Variants in PCDH9 observed in about 807,000 individuals in gnomAD.
PCDH9 encodes protocadherin-9.
PCDH9 carries 24 observed loss-of-function variants against 70.6 expected under a neutral mutation model. The observed-to-expected ratio is 0.34, with a 90% confidence interval of 0.25 to 0.48. PCDH9 has a LOEUF of 0.48. Ranked by LOEUF, PCDH9 falls within the 20% of genes least tolerant of loss-of-function variation. The pLI is 0.99. For missense variants in PCDH9, 1,281 were observed against 1,503.6 expected (o/e 0.85, Z 2.45); for synonymous variants, 562 against 558.5 (o/e 1.01, Z -0.09).
intron 4 of PCDH9, among the ~76,000 whole-genome samples, chr13:66,623,157 C>CT (rs2077451457): frequency 6.6e-6 from 1 of 152,254 alleles, no homozygotes; most frequent in East Asian, 1.9e-4. Context: ...CGGCTTCATT[C>CT]TTGAAGTCAG....
intron 3 of PCDH9, among the ~76,000 whole-genome samples, chr13:66,677,588 T>C (rs1157511208): frequency 6.6e-6 from 1 of 152,070 alleles, no homozygotes; most frequent in African/African-American, 2.4e-5. Context: ...TCTGATCATT[T>C]AAAAGTGTGT....
intron 4 of PCDH9, among the ~76,000 whole-genome samples, chr13:66,327,653 G>T (rs1045556500): frequency 1.3e-5 from 2 of 152,146 alleles, no homozygotes; most frequent in Non-Finnish European, 2.9e-5. Flanking sequence ...TGCTATTATA[G>T]GAGTGGACAT....
At chr13:66,674,221 A>G (rs1473485028) in intron 3 of PCDH9, among the ~76,000 whole-genome samples, 1 of 152,102 alleles carries the variant, frequency 6.6e-6, no homozygotes. Context: ...GTGATTTACC[A>G]ATCTGTCCTT....
chr13:66,328,856 G>A (rs1365188067), intron 4 of PCDH9, among the ~76,000 whole-genome samples: 1 of 152,114 alleles, frequency 6.6e-6, no homozygotes, highest in Non-Finnish European at 1.5e-5. Flanking sequence ...CTGTCCCTAA[G>A]AGCTGAACAT....
chr13:66,703,759 A>G (rs960655348), intron 3 of PCDH9, among the ~76,000 whole-genome samples: 2 of 151,972 alleles, frequency 1.3e-5, no homozygotes, highest in Non-Finnish European at 2.9e-5. Flanking sequence ...GTATCCAGGC[A>G]TAGTGGTGAG....
intron 4 of PCDH9, among the ~76,000 whole-genome samples, chr13:66,523,632 C>T (rs1010866825): frequency 7.3e-5 from 11 of 151,700 alleles, no homozygotes; most frequent in Non-Finnish European, 1.3e-4. Flanking sequence ...TGGAAGAATG[C>T]ATATACAGGC....
intron 3 of PCDH9, among the ~76,000 whole-genome samples, chr13:66,663,301 A>G (rs142960272): frequency 3.5e-4 from 54 of 152,330 alleles, no homozygotes; most frequent in African/African-American, 1.2e-3. Context: ...CACCATTAAT[A>G]TTTATTGTGT....
chr13:67,141,031 C>T (rs1047207071), intron 2 of PCDH9, among the ~76,000 whole-genome samples: 1 of 151,790 alleles, frequency 6.6e-6, no homozygotes, highest in Non-Finnish European at 1.5e-5. Flanking sequence ...ACAACTTGGG[C>T]CATCAAAAGA....
At chr13:66,424,448 G>A (rs1207436580) in intron 4 of PCDH9, among the ~76,000 whole-genome samples, 1 of 151,898 alleles carries the variant, frequency 6.6e-6, no homozygotes, top group Non-Finnish European at 1.5e-5. Flanking sequence ...GGACCATTTG[G>A]GAGAAGTATG....
chr13:66,564,322 G>A (rs1459063542), intron 4 of PCDH9, among the ~76,000 whole-genome samples: 1 of 149,024 alleles, frequency 6.7e-6, no homozygotes, highest in Non-Finnish European at 1.5e-5. Flanking sequence ...ACGCCACTAT[G>A]CACAGCTGAT....
intron 4 of PCDH9, among the ~76,000 whole-genome samples, chr13:66,553,277 A>G (rs948960002): frequency 6.6e-6 from 1 of 152,158 alleles, no homozygotes; most frequent in African/African-American, 2.4e-5. Context: ...TCCAGCACCT[A>G]GCTTATAGCC....
At chr13:66,887,309 T>G (rs1486626122) in intron 3 of PCDH9, among the ~76,000 whole-genome samples, 4 of 152,002 alleles carry the variant, frequency 2.6e-5, no homozygotes, top group Admixed American at 2.6e-4. Flanking sequence ...TAGTTTACTA[T>G]CAGTGCCACT....
chr13:66,358,315 T>G (rs1956417761), intron 4 of PCDH9, among the ~76,000 whole-genome samples: 1 of 151,954 alleles, frequency 6.6e-6, no homozygotes, highest in African/African-American at 2.4e-5. Context: ...TACTATACAT[T>G]TATTACTCTT....
intron 2 of PCDH9, among the ~76,000 whole-genome samples, chr13:67,182,249 T>C (rs2088636501): frequency 6.6e-6 from 1 of 152,174 alleles, no homozygotes; most frequent in East Asian, 1.9e-4. Context: ...TCTCAGTTTT[T>C]CACCTGAATA....
chr13:66,419,148 G>A (rs1183650413), intron 4 of PCDH9, among the ~76,000 whole-genome samples: 1 of 151,848 alleles, frequency 6.6e-6, no homozygotes, highest in Non-Finnish European at 1.5e-5. Flanking sequence ...TCTATTGTTT[G>A]AAACTATTCC....
Position 66,435,168 on chromosome 13 carries a change from G to T in PCDH9, c.3341-130140C>A, listed in dbSNP as rs557191698. On this transcript the variant is annotated intron_variant, in intron 4 of 4. Transcript: ENST00000377865. ...AATGATAGCAACAATGTCTGGAAGAGTTGTAGATAAAATTATTCATTATTT... is the reference window on the plus strand; with the variant it reads ...AATGATAGCAACAATGTCTGGAAGATTTGTAGATAAAATTATTCATTATTT... Among the ~76,000 whole-genome samples, 14 of 152,242 alleles carry T rather than the reference G, an allele frequency of 9.2e-5. 1 individual carries two copies. The South Asian group carries it at 2.7e-3, about 29-fold the overall frequency.
At chr13:66,947,576 A>G (rs1259974258) in intron 2 of PCDH9, among the ~76,000 whole-genome samples, 1 of 152,238 alleles carries the variant, frequency 6.6e-6, no homozygotes, top group Middle Eastern at 3.4e-3. Flanking sequence ...TTGGTGGAAG[A>G]TGGGGGTGTG....
At chr13:66,390,043 A>T (rs1004247014) in intron 4 of PCDH9, among the ~76,000 whole-genome samples, 21 of 152,308 alleles carry the variant, frequency 1.4e-4, no homozygotes, top group Middle Eastern at 3.4e-3. Context: ...CTGAACAGAG[A>T]TATCTTCAAG....
At chr13:66,408,248 C>A (rs1251372169) in intron 4 of PCDH9, among the ~76,000 whole-genome samples, 1 of 151,798 alleles carries the variant, frequency 6.6e-6, no homozygotes, top group Middle Eastern at 3.4e-3. Flanking sequence ...TTAGTAGAGA[C>A]GGGGTTTCAC....
Sources: gnomAD v4.1 joint callset for allele counts (sites outside exome capture counted in the v4.1 genomes callset) on GRCh38, gnomAD v4.1.1 for gene constraint, MANE v1.5 for transcripts, NCBI Gene and HGNC (gene_info 2026-07-23, HGNC 2026-07-21) for gene names.